TTC6: variants seen among roughly 807,000 people sequenced by gnomAD.
TTC6 encodes tetratricopeptide repeat domain 6, also known as tetratricopeptide repeat protein 6.
Under a neutral mutation model 210.4 loss-of-function variants are expected in TTC6, and 172 were observed. The ratio of observed to expected loss-of-function variants is 0.82; its 90% CI spans 0.72 to 0.93. The LOEUF is 0.93. Ranked by LOEUF, TTC6 falls within the 40% of genes least tolerant of loss-of-function variation. The pLI, the probability that TTC6 is intolerant of heterozygous loss-of-function variation, is 0.00. For missense variants in TTC6, 2,414 were observed against 2,318.1 expected, an observed-to-expected ratio of 1.04 and a Z score of -0.85; for synonymous variants, 804 against 819.6, an observed-to-expected ratio of 0.98 and a Z score of 0.32.
In TTC6 at chr14:37,783,240, C is replaced by A. The variant is rs147341912; in HGVS notation, c.3267-4228C>A. ...TTTTTGTACCTCTGGTAGAATTCGG[C>A]TGTGAATCTGTCTGGTCCTAGACTC... On this transcript the variant is annotated intron_variant, in intron 14 of 30. Coordinates refer to ENST00000553443, the Ensembl canonical transcript of TTC6. Among the ~76,000 whole-genome samples the A allele has an allele frequency of 2.0e-5, 3 of 152,264 alleles. No homozygotes were observed. In the East Asian group the frequency reaches 5.8e-4, roughly 29 times the overall value.
chr14:37,769,270 G>T (rs1014473107), intron 14 of TTC6, among the ~76,000 whole-genome samples: 70 of 151,536 alleles, frequency 4.6e-4, no homozygotes, highest in Middle Eastern at 3.4e-3. Flanking sequence ...TCTCTTTTTT[G>T]ATTGTGTCTC....
intron 14 of TTC6, among the ~76,000 whole-genome samples, chr14:37,778,673 A>C (rs1314996136): frequency 6.6e-6 from 1 of 152,068 alleles, no homozygotes; most frequent in East Asian, 1.9e-4. Flanking sequence ...GTCATCTGGA[A>C]CTGCTCTGCT....
chr14:37,630,052 G>T (rs796556526), intron 1 of TTC6, among the ~76,000 whole-genome samples: 9 of 152,060 alleles, frequency 5.9e-5, no homozygotes, highest in African/African-American at 1.9e-4. Context: ...TGATTTTTTT[G>T]GAAGGGTTTT....
intron 14 of TTC6, among the ~76,000 whole-genome samples, chr14:37,757,799 C>G (rs1411416940): frequency 6.6e-6 from 1 of 152,036 alleles, no homozygotes; most frequent in Non-Finnish European, 1.5e-5. Context: ...TTAGATTGTT[C>G]CTGCTTTCTC....
chr14:37,659,500 CTCGTTG>C (rs1357467345), intron 1 of TTC6, among the ~76,000 whole-genome samples: 4 of 148,984 alleles, frequency 2.7e-5, no homozygotes, highest in African/African-American at 9.9e-5. Context: ...GAGATGGTAT[CTCGTTG>C]TCGTTTTATT....
chr14:37,820,902 C>CCTT (rs1210590236), intron 26 of TTC6, among the ~76,000 whole-genome samples: 107 of 151,384 alleles, frequency 7.1e-4, no homozygotes, highest in Admixed American at 1.2e-3. Context: ...TCCTTCTCCT[C>CCTT]CTTCTCCTCC....
At chr14:37,782,940 G>A (rs1049307252) in intron 14 of TTC6, among the ~76,000 whole-genome samples, 97 of 152,244 alleles carry the variant, frequency 6.4e-4, no homozygotes, top group African/African-American at 1.7e-3. Context: ...TTATTGATTC[G>A]TGTATGTTGA....
chr14:37,609,154 T>C (rs971800154), intron 2 of TTC6, among the ~76,000 whole-genome samples: 3 of 152,156 alleles, frequency 2.0e-5, no homozygotes, highest in African/African-American at 7.2e-5. Context: ...CACAGTGGCT[T>C]GTGCATGTAA....
At chr14:37,682,636 A>G (rs1399643724) in intron 2 of TTC6, 122 bp from the exon 5 acceptor site, 1 of 795,822 alleles carries the variant, frequency 1.3e-6, no homozygotes, top group Admixed American at 2.8e-5. Flanking sequence ...CTCATCACCT[A>G]TGCTTAGTTT....
chr14:37,786,888 A>G (rs1237025342), intron 14 of TTC6, among the ~76,000 whole-genome samples: 1 of 152,326 alleles, frequency 6.6e-6, no homozygotes, highest in East Asian at 1.9e-4. Flanking sequence ...CTAATTGAAG[A>G]TGAGTTTTTT....
At chr14:37,730,614 T>A (rs1163785925) in intron 7 of TTC6, among the ~76,000 whole-genome samples, 2 of 152,340 alleles carry the variant, frequency 1.3e-5, no homozygotes, top group African/African-American at 4.8e-5. Flanking sequence ...ATTTTTGTTT[T>A]CCTTATTATA....
chr14:37,756,108 A>G (rs2095966808), intron 14 of TTC6, among the ~76,000 whole-genome samples: 1 of 152,080 alleles, frequency 6.6e-6, no homozygotes, highest in Admixed American at 6.6e-5. Context: ...TTCTCTTTGT[A>G]GCAATTGTGA....
chr14:37,779,833 CA>C (rs1244301838), intron 14 of TTC6, among the ~76,000 whole-genome samples: 5 of 152,170 alleles, frequency 3.3e-5, no homozygotes, highest in African/African-American at 1.2e-4. Context: ...GGTGGTGTCT[CA>C]GGGGGCCTCA....
At chr14:37,817,185 A>C (rs1389496444) in intron 25 of TTC6, among the ~76,000 whole-genome samples, 5 of 152,162 alleles carry the variant, frequency 3.3e-5, no homozygotes, top group Non-Finnish European at 7.4e-5. Context: ...CTCCCGGTAC[A>C]TTTCCTTTTC....
At chr14:37,685,285 C>G (rs1470526310) in intron 3 of TTC6, among the ~76,000 whole-genome samples, 2 of 152,098 alleles carry the variant, frequency 1.3e-5, no homozygotes, top group African/African-American at 4.8e-5. Flanking sequence ...TATGAGTAAT[C>G]TATTGCATTT....
In TTC6 at chr14:37,665,115, A is replaced by T. The variant is rs577172234; in HGVS notation, c.940-15036A>T. Among the ~76,000 whole-genome samples, 89 of 150,764 alleles carry T rather than the reference A, an allele frequency of 5.9e-4. 3 individuals are homozygous for T. In the South Asian group the frequency reaches 0.019, roughly 32 times the overall value. On this transcript the variant is annotated intron_variant, in intron 1 of 30. Coordinates refer to ENST00000553443, the Ensembl canonical transcript of TTC6. ...CAATTCCTCAAATAGCTTGAGGCAG[A>T]AATACCATTTGACCCAGCAATCCCA...
chr14:37,738,872 C>G (rs2095909517), exon 10 of TTC6: 5 of 1,534,850 alleles, frequency 3.3e-6, no homozygotes, highest in Admixed American at 2.0e-5. Flanking sequence ...GGTTATGTTT[C>G]AGAAAGCAAA....
chr14:37,748,003 A>G (rs1306016592), intron 10 of TTC6, among the ~76,000 whole-genome samples: 1 of 152,162 alleles, frequency 6.6e-6, no homozygotes, highest in East Asian at 1.9e-4. Context: ...ATACTAGGGG[A>G]AGCTCCTGGA....
chr14:37,761,534 A>G (rs995673157), intron 14 of TTC6, among the ~76,000 whole-genome samples: 3 of 152,020 alleles, frequency 2.0e-5, no homozygotes, highest in Non-Finnish European at 2.9e-5. Context: ...CAGCATAATG[A>G]CTTATCATAG....
Sources: gnomAD v4.1 joint callset for allele counts (sites outside exome capture counted in the v4.1 genomes callset) on GRCh38, gnomAD v4.1.1 for gene constraint, MANE v1.5 for transcripts, NCBI Gene and HGNC (gene_info 2026-07-23, HGNC 2026-07-21) for gene names.